Variants in SH3PXD2A observed in about 807,000 individuals in gnomAD.
SH3PXD2A encodes SH3 and PX domains 2A, also known as SH3 and PX domain-containing protein 2A.
SH3PXD2A carries 32 observed loss-of-function variants against 115.2 expected under a neutral mutation model. The ratio of observed to expected loss-of-function variants is 0.28; its 90% CI spans 0.21 to 0.37. The LOEUF (loss-of-function observed/expected upper bound fraction) is 0.37, where lower values mean the gene tolerates loss of function less well. Ranked by LOEUF, SH3PXD2A falls within the 10% of genes least tolerant of loss-of-function variation. The pLI is 1.00. For synonymous variants in SH3PXD2A, 610 were observed against 629.1 expected, an observed-to-expected ratio of 0.97 and a Z score of 0.45; for missense variants, 1,328 against 1,498.7, an observed-to-expected ratio of 0.89 and a Z score of 1.88.
chr10:103,835,793 C>T (rs929489815), intron 1 of SH3PXD2A, among the ~76,000 whole-genome samples: 3 of 152,216 alleles, frequency 2.0e-5, no homozygotes, highest in African/African-American at 4.8e-5. Flanking sequence ...CTCTATAGTT[C>T]ATGCAGCCAG....
At chr10:103,779,118 G>A (rs932640678) in intron 2 of SH3PXD2A, among the ~76,000 whole-genome samples, 2 of 152,184 alleles carry the variant, frequency 1.3e-5, no homozygotes, top group Admixed American at 1.3e-4. Flanking sequence ...GCCCAGGCTG[G>A]AGTGTACTGA....
At chr10:103,795,912 A>AAGGAAGGAAGGAAGGAAGGC (rs1360736158) in intron 2 of SH3PXD2A, among the ~76,000 whole-genome samples, 1 of 104,948 alleles carries the variant, frequency 9.5e-6, no homozygotes, top group African/African-American at 3.3e-5. Context: ...AAAAGGAAGG[A>AAGGAAGGAAGGAAGGAAGGC]AGGAAGGAAG....
At chr10:103,642,201 T>C (rs10748846) in intron 8 of SH3PXD2A, among the ~76,000 whole-genome samples, 133,239 of 151,232 alleles carry the variant, frequency 0.88, 58,805 homozygotes, top group East Asian at 1. Flanking sequence ...AACTTCAGAT[T>C]GCCACCATGA....
At chr10:103,662,865 T>G (rs2037334143) in intron 7 of SH3PXD2A, among the ~76,000 whole-genome samples, 1 of 151,904 alleles carries the variant, frequency 6.6e-6, no homozygotes, top group Admixed American at 6.6e-5. Context: ...AATGCAGTGG[T>G]GCAATCATGG....
At chr10:103,649,823 C>T (rs533322834) in intron 8 of SH3PXD2A, among the ~76,000 whole-genome samples, 2 of 152,338 alleles carry the variant, frequency 1.3e-5, no homozygotes, top group South Asian at 4.2e-4. Context: ...GCCTGGCCAA[C>T]CTCAACAGCA....
intron 2 of SH3PXD2A, among the ~76,000 whole-genome samples, chr10:103,782,074 T>A (rs1386036306): frequency 6.6e-6 from 1 of 152,006 alleles, no homozygotes; most frequent in Non-Finnish European, 1.5e-5. Context: ...CCAGATCAGA[T>A]CCCCACCTGG....
chr10:103,814,000 A>T (rs986050936), intron 1 of SH3PXD2A, among the ~76,000 whole-genome samples: 9 of 73,608 alleles, frequency 1.2e-4, no homozygotes, highest in Non-Finnish European at 2.9e-4. Flanking sequence ...TGGACTAGCT[A>T]AAAAAAAAAA....
intron 5 of SH3PXD2A, among the ~76,000 whole-genome samples, chr10:103,705,725 A>G (rs1420178985): frequency 6.6e-6 from 1 of 152,186 alleles, no homozygotes; most frequent in African/African-American, 2.4e-5. Context: ...CCAGACAGAA[A>G]AGCTAAATGA....
At chr10:103,769,167 TGTGTGTGTGTGTGTGCGC>T (rs2038790259) in intron 2 of SH3PXD2A, among the ~76,000 whole-genome samples, 1 of 111,550 alleles carries the variant, frequency 9.0e-6, no homozygotes, top group African/African-American at 4.7e-5. Context: ...TGTGTGTGTG[TGTGTGTGTGTGTGTGCGC>T]GCGCGCGCGC....
In SH3PXD2A at chr10:103,787,855, A is replaced by G. The variant is rs528775635; in HGVS notation, c.153+13427T>C. Among the ~76,000 whole-genome samples the G allele has an allele frequency of 4.7e-4, 71 of 152,316 alleles. 2 individuals carry two copies. The South Asian group carries it at 0.014, about 31-fold the overall frequency. On this transcript the variant is annotated intron_variant, in intron 2 of 14. Coordinates refer to ENST00000369774, the MANE Select transcript of SH3PXD2A (RefSeq NM_001394015.1). ...TTCCTGGGCTCTTCCCGAGCCCCTCAGCCAGCACTGAGCACAAGACTGCCA... is the reference window on the plus strand; with the variant it reads ...TTCCTGGGCTCTTCCCGAGCCCCTCGGCCAGCACTGAGCACAAGACTGCCA...
rs144992218 is a variant in SH3PXD2A, at chr10:103,603,013, C to T, written c.2205G>A (p.Arg735=). 2.4e-5 allele frequency: 39 copies of T among 1,614,172 alleles called. No individual in the cohort carries two copies. In the African/African-American group the frequency reaches 5.1e-4, roughly 21 times the overall value. The change falls in exon 15 of 15, where the codon AGG becomes AGA. Residue 735 remains arginine, a synonymous_variant. Transcript: ENST00000369774. ...DAGIRGTPKV[R]AKKDADANAG... is the part of the protein sequence containing the mutation. ...CGTTCGCATCAGCATCCTTCTTTGC[C>T]CTGACCTTGGGAGTGCCGCGGATGC...
intron 2 of SH3PXD2A, among the ~76,000 whole-genome samples, chr10:103,768,573 G>A (rs986116966): frequency 6.6e-6 from 1 of 152,148 alleles, no homozygotes; most frequent in African/African-American, 2.4e-5. Context: ...TGATGGAAGG[G>A]GAAGTCCTGG....
At chr10:103,829,306 C>G (rs902563170) in intron 1 of SH3PXD2A, among the ~76,000 whole-genome samples, 1 of 152,126 alleles carries the variant, frequency 6.6e-6, no homozygotes, top group African/African-American at 2.4e-5. Flanking sequence ...CGCAGGCATC[C>G]GATCTTCTCT....
At chr10:103,685,337 C>CAA (rs775424414) in intron 6 of SH3PXD2A, among the ~76,000 whole-genome samples, 2,734 of 55,396 alleles carry the variant, frequency 0.049, 112 homozygotes, top group East Asian at 0.067. Context: ...AACTCTGTCT[C>CAA]AAAAAAAAAA....
intron 1 of SH3PXD2A, among the ~76,000 whole-genome samples, chr10:103,824,747 T>C (rs921684797): frequency 6.6e-6 from 1 of 152,142 alleles, no homozygotes; most frequent in African/African-American, 2.4e-5. Flanking sequence ...AACCTTCACC[T>C]GTGTAGACCA....
At chr10:103,678,031 C>A (rs1228476971) in intron 6 of SH3PXD2A, 1 of 972,072 alleles carries the variant, frequency 1.0e-6, no homozygotes, top group East Asian at 6.0e-5. Context: ...AGGGCGTTGG[C>A]TCCCAGCATC....
chr10:103,681,185 G>C (rs1194304421), intron 6 of SH3PXD2A, among the ~76,000 whole-genome samples: 1 of 152,206 alleles, frequency 6.6e-6, no homozygotes, highest in African/African-American at 2.4e-5. Flanking sequence ...CCCTCAGATA[G>C]CCATTCTCCA....
chr10:103,839,466 G>A (rs1162308141), intron 1 of SH3PXD2A, among the ~76,000 whole-genome samples: 1 of 152,150 alleles, frequency 6.6e-6, no homozygotes, highest in African/African-American at 2.4e-5. Context: ...TCTGTTTTAC[G>A]TTAATTAACC....
chr10:103,623,276 C>G lies in SH3PXD2A; in HGVS notation c.719-723G>C, dbSNP rs563209944. On this transcript the variant is annotated intron_variant, in intron 9 of 14. Transcript: ENST00000369774. ...GGACATCTGATGACAGGGGCCCCCTCCCCAGCTTCTCACTGCTCCTGACCC... is the reference window on the plus strand; with the variant it reads ...GGACATCTGATGACAGGGGCCCCCTGCCCAGCTTCTCACTGCTCCTGACCC... Among the ~76,000 whole-genome samples the G allele has an allele frequency of 1.1e-4, 16 of 141,388 alleles. No homozygotes were observed. The South Asian group carries it at 1.5e-3, about 13-fold the overall frequency. The allele number at this position is 141,388 out of a possible 152,430, so 92.8% of individuals were successfully genotyped here. A position where few individuals can be genotyped will look rare whatever the true frequency, so the allele number is the denominator to read the frequency against.
Sources: allele counts gnomAD v4.1 joint callset (sites outside exome capture counted in the v4.1 genomes callset), GRCh38; gene constraint gnomAD v4.1.1; transcripts MANE v1.5; gene names NCBI Gene and HGNC (gene_info 2026-07-23, HGNC 2026-07-21).